The following PSPH variants were observed in gnomAD, a reference collection of about 807,000 sequenced individuals.
PSPH encodes the protein phosphoserine phosphatase, also known as L-3-phosphoserine phosphatase.
Under a neutral mutation model 23.4 loss-of-function variants are expected in PSPH, and 16 were observed. The ratio of observed to expected loss-of-function variants is 0.68; its 90% CI spans 0.46 to 1.04. The LOEUF is 1.04. PSPH is among the 50% of genes least tolerant of loss of function. PSPH has a pLI of 0.00. For synonymous variants in PSPH, 68 were observed against 99.7 expected (o/e 0.68, Z 1.89); for missense variants, 223 against 273.7 (o/e 0.81, Z 1.31).
At chr7:56,028,756 T>A (rs1790550098) in intron 3 of PSPH, among the ~76,000 whole-genome samples, 1 of 152,016 alleles carries the variant, frequency 6.6e-6, no homozygotes, top group Non-Finnish European at 1.5e-5. Flanking sequence ...TTTTAGCTCT[T>A]CCCATCCTGC....
chr7:56,048,540 G>A (rs891289587), intron 1 of PSPH, among the ~76,000 whole-genome samples: 9 of 152,118 alleles, frequency 5.9e-5, no homozygotes, highest in Non-Finnish European at 8.8e-5. Context: ...GATTGGATCC[G>A]GCATCACTGT....
chr7:56,011,790 A>G lies in PSPH; in HGVS notation c.650T>C (p.Val217Ala), dbSNP rs73343752. ...TTCTTCCAGTTCTCCCAGCAGCTCT[A>G]CAAAATCAGTGATATACCATTTGGC... ...DNAKWYITDF[V>A]ELLGELEE The change falls in exon 8 of 8, where the codon GTA becomes GCA. Residue 217 changes from valine to alanine, a missense_variant. Physicochemically the swap from Val to Ala is moderately conservative, Grantham distance 64. Coordinates refer to ENST00000275605, the MANE Select transcript of PSPH (RefSeq NM_004577.4). 2,122 of 1,613,360 alleles carry G rather than the reference A, an allele frequency of 1.3e-3. 20 individuals are homozygous for G. In the African/African-American group the frequency reaches 0.024, roughly 18 times the overall value.
intron 6 of PSPH, among the ~76,000 whole-genome samples, chr7:56,016,473 C>T (rs1002485946): frequency 3.3e-5 from 5 of 149,754 alleles, no homozygotes; most frequent in African/African-American, 1.2e-4. Flanking sequence ...GATAATATAA[C>T]AGCTGTGGCA....
chr7:56,046,732 C>T (rs1261521693), intron 1 of PSPH, among the ~76,000 whole-genome samples: 10 of 146,774 alleles, frequency 6.8e-5, no homozygotes, highest in Non-Finnish European at 1.2e-4. Flanking sequence ...TGCAGTGAGC[C>T]GGTATCGCAC....
intron 1 of PSPH, among the ~76,000 whole-genome samples, chr7:56,040,697 CGAAACTA>C (rs1171088167): frequency 6.6e-6 from 1 of 151,758 alleles, no homozygotes; most frequent in African/African-American, 2.4e-5. Context: ...CCATATTCAA[CGAAACTA>C]GAAGACAAAA....
chr7:56,027,012 C>G (rs1790281040), intron 3 of PSPH, among the ~76,000 whole-genome samples: 1 of 151,678 alleles, frequency 6.6e-6, no homozygotes, highest in Non-Finnish European at 1.5e-5. Flanking sequence ...TCGAGACCAG[C>G]CTGACCAACA....
At chr7:56,030,014 C>T (rs1208096627) in intron 3 of PSPH, among the ~76,000 whole-genome samples, 2 of 149,400 alleles carry the variant, frequency 1.3e-5, no homozygotes, top group East Asian at 2.0e-4. Flanking sequence ...AAAGAATACA[C>T]AGTAGATTCT....
chr7:56,049,868 G>A (rs1408850127), intron 1 of PSPH, among the ~76,000 whole-genome samples: 2 of 151,710 alleles, frequency 1.3e-5, no homozygotes, highest in Non-Finnish European at 2.9e-5. Context: ...AGCCTCCCAA[G>A]TAGCTTGGAT....
rs199729188 is a variant in PSPH, at chr7:56,027,149, G to A, written c.-20+4780C>T. ...GAACCCGGGAGGCAGAAGTTGCGGC[G>A]AGCCGAGATTGCGCTATTGCACCCC... is the stretch of plus-strand genomic sequence containing the variant. On this transcript the variant is annotated intron_variant, in intron 3 of 7. Coordinates refer to ENST00000275605, the MANE Select transcript of PSPH (RefSeq NM_004577.4). Among the ~76,000 whole-genome samples, 32 of 150,898 alleles carry A rather than the reference G, an allele frequency of 2.1e-4. No individual in the cohort carries two copies. The East Asian group carries it at 5.7e-3, about 27-fold the overall frequency.
chr7:56,015,024 GC>G lies in PSPH; in HGVS notation c.568del (p.Ala190LeufsTer11). The G allele has an allele frequency of 6.2e-7, 1 of 1,613,762 alleles. No homozygotes were observed. Among genetic ancestry groups the G allele is most frequent in the Non-Finnish European group, 8.5e-7 (1 of 1,179,856 alleles). On this transcript the variant is annotated frameshift_variant and splice_region_variant, in exon 7 of 8. Coordinates refer to ENST00000275605, the MANE Select transcript of PSPH (RefSeq NM_004577.4). LOFTEE classifies it high-confidence loss of function. Reference protein sequence around the residue: ...GATDMEACPPADAFIGFGGNV... With the variant: ...GATDMEACPPXDAFIGFGGNV... ...AAAATTAGCACCCTTAATACATACA[GC>G]AGGAGGACAGGCTTCCATATCTGTG...
At chr7:56,042,666 A>C (rs1792707652) in intron 1 of PSPH, among the ~76,000 whole-genome samples, 1 of 151,872 alleles carries the variant, frequency 6.6e-6, no homozygotes, top group Non-Finnish European at 1.5e-5. Context: ...GAAAAAAAAA[A>C]AAAAAAGGAT....
intron 1 of PSPH, among the ~76,000 whole-genome samples, chr7:56,047,275 T>G (rs1033338394): frequency 1.3e-5 from 2 of 151,422 alleles, no homozygotes; most frequent in African/African-American, 4.9e-5. Context: ...GTCTGTAGTC[T>G]CAGCTACTCA....
intron 1 of PSPH, among the ~76,000 whole-genome samples, chr7:56,037,241 T>C (rs1791841130): frequency 6.8e-6 from 1 of 148,050 alleles, no homozygotes; most frequent in Admixed American, 6.8e-5. Context: ...CCAAATACAA[T>C]ATAGCATAAT....
chr7:56,017,395 C>T lies in PSPH; in HGVS notation c.276-16G>A. 3 of 785,604 alleles carry T rather than the reference C, an allele frequency of 3.8e-6. No individual in the cohort carries two copies. Among genetic ancestry groups the T allele is most frequent in the Non-Finnish European group, 5.4e-6 (3 of 556,744 alleles). 48.7% of individuals were successfully genotyped at this position (785,604 alleles called of 1,614,324 possible). A position where few individuals can be genotyped will look rare whatever the true frequency, so the allele number is the denominator to read the frequency against. ...TACCAGCTCCCTGCAAAATAAAATACAAAATACCCAACACTGAGTAATACA... is the reference window on the plus strand; with the variant it reads ...TACCAGCTCCCTGCAAAATAAAATATAAAATACCCAACACTGAGTAATACA... On this transcript the variant is annotated splice_polypyrimidine_tract_variant and intron_variant, in intron 5 of 7. Transcript: ENST00000275605.
At chr7:56,035,197 G>C (rs1791575594) in intron 1 of PSPH, among the ~76,000 whole-genome samples, 1 of 151,994 alleles carries the variant, frequency 6.6e-6, no homozygotes, top group South Asian at 2.1e-4. Context: ...AAAAATTAGC[G>C]GGGCATGGTG....
intron 1 of PSPH, among the ~76,000 whole-genome samples, chr7:56,035,375 C>T (rs1791597453): frequency 1.3e-5 from 2 of 152,070 alleles, no homozygotes; most frequent in South Asian, 4.1e-4. Flanking sequence ...GTCACTTGCC[C>T]AGCTCCTTGT....
chr7:56,021,194 G>C lies in PSPH; in HGVS notation c.19C>G (p.Leu7Val), dbSNP rs1246460434. 1 of 1,614,174 alleles carries C rather than the reference G, an allele frequency of 6.2e-7. No homozygotes were observed. The change falls in exon 4 of 8, where the codon CTG becomes GTG. Residue 7 changes from leucine to valine, a missense_variant. Coordinates refer to ENST00000275605, the MANE Select transcript of PSPH (RefSeq NM_004577.4). Reference sequence around the variant, plus strand: ...TCTGCTGAGTAGAAAAGCTTCCTCAGCTCTGAGTGGGAGACCATCGCTGGA... The same window carrying C: ...TCTGCTGAGTAGAAAAGCTTCCTCACCTCTGAGTGGGAGACCATCGCTGGA... MVSHSE[L>V]RKLFYSADAV... is the part of the protein sequence containing the mutation.
intron 7 of PSPH, among the ~76,000 whole-genome samples, chr7:56,013,646 A>G (rs1788226167): frequency 1.3e-5 from 2 of 151,984 alleles, no homozygotes; most frequent in African/African-American, 4.8e-5. Context: ...CGGGAGGATC[A>G]TTTGAGCCCA....
chr7:56,014,332 A>G lies in PSPH; in HGVS notation c.570+691T>C, dbSNP rs143164642. Reference sequence around the variant, plus strand: ...AAGGTGGTGCCCATCCTACGGGGATAAGGCATTGTTAAAAGTTTTAAAAGG... The same window carrying G: ...AAGGTGGTGCCCATCCTACGGGGATGAGGCATTGTTAAAAGTTTTAAAAGG... On this transcript the variant is annotated intron_variant, in intron 7 of 7. Transcript: ENST00000275605. Among the ~76,000 whole-genome samples, 296 of 152,312 alleles carry G rather than the reference A, an allele frequency of 1.9e-3. 6 individuals are homozygous for G. Among genetic ancestry groups the G allele is most frequent in the Admixed American group, 0.016 (252 of 15,276 alleles).
Sources: allele counts gnomAD v4.1 joint callset (sites outside exome capture counted in the v4.1 genomes callset), GRCh38; gene constraint gnomAD v4.1.1; transcripts MANE v1.5; gene names NCBI Gene and HGNC (gene_info 2026-07-23, HGNC 2026-07-21).